Variants in DNTTIP2 observed in about 807,000 individuals in gnomAD.
DNTTIP2 encodes deoxynucleotidyltransferase terminal interacting protein 2.
In DNTTIP2, 47 loss-of-function variants were observed where a neutral mutation model predicts 62.4. The observed-to-expected ratio is 0.75, with a 90% CI of 0.60 to 0.96. The LOEUF is 0.96. Among genes scored for constraint, DNTTIP2 ranks in the 40% least tolerant of loss-of-function variants. DNTTIP2 has a pLI of 0.00. For synonymous variants in DNTTIP2, 322 were observed against 300.9 expected, an observed-to-expected ratio of 1.07 and a Z score of -0.73; for missense variants, 870 against 849.1, an observed-to-expected ratio of 1.02 and a Z score of -0.31.
At chr1:93,869,965 CTTTATG>C (rs1655814489) in intron 6 of DNTTIP2, 21 bp from the exon 7 acceptor site, 1 of 772,024 alleles carries the variant, frequency 1.3e-6, no homozygotes. Flanking sequence ...AAAATCAGAA[CTTTATG>C]TTTGATATAT....
chr1:93,876,838 G>GT lies in DNTTIP2; in HGVS notation c.1096dup (p.Thr366AsnfsTer12). 3 of 1,613,956 alleles carry GT rather than the reference G, an allele frequency of 1.9e-6. No homozygotes were observed. The highest frequency in any genetic ancestry group is 2.2e-5 in the East Asian group (1 of 44,880). On this transcript the variant is annotated frameshift_variant, in exon 2 of 7. Transcript: ENST00000436063. LOFTEE classifies it high-confidence loss of function. Reference sequence around the variant, plus strand: ...TCTGCCTACTTCCACAGTTGCAAATGTTTGAGTTAATGATTTCATTACAGC... The same window carrying GT: ...TCTGCCTACTTCCACAGTTGCAAATGTTTTGAGTTAATGATTTCATTACAGC...
In DNTTIP2 at chr1:93,877,059, T is replaced by C; in HGVS notation, c.876A>G (p.Thr292=). ...EQANVESLKE[T]KQNCKDLDED... Reference sequence around the variant, plus strand: ...CATCCAAATCCTTACAATTCTGTTTTGTTTCTTTAAGAGATTCAACATTGG... The same window carrying C: ...CATCCAAATCCTTACAATTCTGTTTCGTTTCTTTAAGAGATTCAACATTGG... The change falls in exon 2 of 7, where the codon ACA becomes ACG. Residue 292 remains threonine (T), a synonymous_variant. Transcript: ENST00000436063. 1 of 1,612,262 alleles carries C rather than the reference T, an allele frequency of 6.2e-7. No homozygotes were observed. The highest frequency in any genetic ancestry group is 8.5e-7 in the Non-Finnish European group (1 of 1,179,844).
At position 93,867,825 on chromosome 1, in the gene DNTTIP2, T is replaced by C. The variant is rs1211863668; in HGVS notation, c.*2026A>G. 6.6e-6 allele frequency: 1 copy of C among 151,724 alleles called. No homozygotes were observed. The highest frequency in any genetic ancestry group is 1.5e-5 in the Non-Finnish European group (1 of 67,950). 9.4% of individuals were successfully genotyped at this position (151,724 alleles called of 1,614,324 possible). ...TCCAGAAACAAAAGTAGTTTTTTTTTAAAATAAAAGAGAACAGACATAGAT... is the reference window on the plus strand; with the variant it reads ...TCCAGAAACAAAAGTAGTTTTTTTTCAAAATAAAAGAGAACAGACATAGAT... On this transcript the variant is annotated 3_prime_UTR_variant, in exon 7 of 7. Transcript: ENST00000436063.
chr1:93,873,696 C>T (rs1236024918), intron 3 of DNTTIP2, among the ~76,000 whole-genome samples: 2 of 151,956 alleles, frequency 1.3e-5, no homozygotes, highest in Non-Finnish European at 2.9e-5. Context: ...CTTTAGGAGG[C>T]CAAGGCAGGA....
At position 93,868,198 on chromosome 1, in the gene DNTTIP2, GAC is replaced by G. The variant is rs1655768466; in HGVS notation, c.*1651_*1652del. ...AAAAAGTGGGTGAAGGATATGAACA[GAC>G]ACTTCTCAAAAGAAGACATTTATGC... On this transcript the variant is annotated 3_prime_UTR_variant, in exon 7 of 7. Transcript: ENST00000436063. The G allele has an allele frequency of 6.6e-6, 1 of 152,160 alleles. No individual in the cohort carries two copies. Among genetic ancestry groups the G allele is most frequent in the Non-Finnish European group, 1.5e-5 (1 of 68,038 alleles). 9.4% of individuals were successfully genotyped at this position (152,160 alleles called of 1,614,324 possible).
In DNTTIP2 at chr1:93,870,985, G is replaced by A. The variant is rs929764624; in HGVS notation, c.2068-193C>T. On this transcript the variant is annotated intron_variant, in intron 5 of 6. Transcript: ENST00000436063. ...ATAGTGGTGCTATTATGTTTCTTCA[G>A]TAGTTTATAGTAGATCCAAAATTTC... 4 of 357,022 alleles carry A rather than the reference G, an allele frequency of 1.1e-5. No individual in the cohort carries two copies. In the Admixed American group the frequency reaches 1.7e-4, roughly 15 times the overall value. The allele number at this position is 357,022 out of a possible 1,614,324, so 22.1% of individuals were successfully genotyped here. A position where few individuals can be genotyped will look rare whatever the true frequency, so the allele number is the denominator to read the frequency against.
chr1:93,878,781 C>A (rs1656080348), intron 1 of DNTTIP2: 2 of 318,138 alleles, frequency 6.3e-6, no homozygotes, highest in Non-Finnish European at 1.2e-5. Context: ...TCCTTGGTAC[C>A]GTGTTAACAG....
At position 93,877,176 on chromosome 1, in the gene DNTTIP2, A is replaced by C; in HGVS notation, c.759T>G (p.Ser253=). The C allele has an allele frequency of 6.2e-7, 1 of 1,613,662 alleles. No homozygotes were observed. Among genetic ancestry groups the C allele is most frequent in the East Asian group, 2.2e-5 (1 of 44,870 alleles). Residue 253 remains serine, a synonymous_variant, in exon 2 of 7, where the codon TCT becomes TCG. Coordinates refer to ENST00000436063, the MANE Select transcript of DNTTIP2 (RefSeq NM_014597.5). ...QTSHLQARSL[S]EINKPNFYNN... ...TATAGAAATTTGGCTTATTTATCTC[A>C]GAAAGAGATCTTGCTTGTAAATGGG...
In DNTTIP2 at chr1:93,873,848, G is replaced by A. The variant is rs555132471; in HGVS notation, c.1807-634C>T. The stretch of plus-strand genomic sequence containing the variant: ...TTCTGTACTTTTGTTACTTGACTAG[G>A]ATGATTATATTCTCCTAAAACTCTG... On this transcript the variant is annotated intron_variant, in intron 3 of 6. Transcript: ENST00000436063. 1.6e-4 allele frequency among the ~76,000 whole-genome samples: 25 copies of A among 152,234 alleles called. 1 individual carries two copies. Among genetic ancestry groups the A allele is most frequent in the Admixed American group, 1.6e-3 (25 of 15,298 alleles).
Position 93,870,573 on chromosome 1 carries a change from T to C in DNTTIP2, c.2177+110A>G, listed in dbSNP as rs1414498423. The C allele has an allele frequency of 2.6e-5, 13 of 503,938 alleles. 1 individual carries two copies. The South Asian group carries it at 5.5e-4, about 21-fold the overall frequency. 31.2% of individuals were successfully genotyped at this position (503,938 alleles called of 1,614,324 possible). A position where few individuals can be genotyped will look rare whatever the true frequency, so the allele number is the denominator to read the frequency against. Reference sequence around the variant, plus strand: ...ATAAAAATATATATTCATGTTAATATGTTATGGGTTATTATAAATGAGTTA... The same window carrying C: ...ATAAAAATATATATTCATGTTAATACGTTATGGGTTATTATAAATGAGTTA... On this transcript the variant is annotated intron_variant, in intron 6 of 6. Transcript: ENST00000436063.
rs1655759846 is a variant in DNTTIP2, at chr1:93,867,840, C to G, written c.*2011G>C. On this transcript the variant is annotated 3_prime_UTR_variant, in exon 7 of 7. Coordinates refer to ENST00000436063, the MANE Select transcript of DNTTIP2 (RefSeq NM_014597.5). ...AGTTTTTTTTTAAAATAAAAGAGAA[C>G]AGACATAGATGCTTCCCTAACTCCA... 1 of 150,738 alleles carries G rather than the reference C, an allele frequency of 6.6e-6. No homozygotes were observed. The highest frequency in any genetic ancestry group is 2.0e-4 in the East Asian group (1 of 5,114). 9.3% of individuals were successfully genotyped at this position (150,738 alleles called of 1,614,324 possible).
In DNTTIP2 at chr1:93,879,123, G is replaced by A. The variant is rs780869706; in HGVS notation, c.26C>T (p.Ala9Val). Reference protein sequence around the residue: MVVTRSARAKASIQAASAE... With the variant: MVVTRSARVKASIQAASAE... ...CGACGCGGCTTGGATGCTGGCCTTA[G>A]CCCGTGCAGATCTGGTAACCACCAT... Residue 9 changes from alanine (A) to valine (V), a missense_variant, in exon 1 of 7, where the codon GCT becomes GTT. Physicochemically the swap from Ala to Val is moderately conservative, Grantham distance 64. Transcript: ENST00000436063. 1.2e-6 allele frequency: 2 copies of A among 1,613,618 alleles called. No individual in the cohort carries two copies. Among genetic ancestry groups the A allele is most frequent in the African/African-American group, 2.7e-5 (2 of 75,076 alleles).
chr1:93,876,793 C>A lies in DNTTIP2; in HGVS notation c.1142G>T (p.Ser381Ile). Residue 381 changes from serine (S) to isoleucine (I), a missense_variant, in exon 2 of 7, where the codon AGC (serine) becomes ATC (isoleucine). Coordinates refer to ENST00000436063, the MANE Select transcript of DNTTIP2 (RefSeq NM_014597.5). ...TGTCAAGTCACTTGCTTTTATGGGG[C>A]TCTTTTTGTTGTTATTCCATCTGCC... is the stretch of plus-strand genomic sequence containing the variant. ...EVGRWNNNKK[S>I]PIKASDLTKF... 1 of 1,613,852 alleles carries A rather than the reference C, an allele frequency of 6.2e-7. No individual in the cohort carries two copies. The highest frequency in any genetic ancestry group is 8.5e-7 in the Non-Finnish European group (1 of 1,179,858).
chr1:93,875,543 C>A, intron 3 of DNTTIP2, 102 bp downstream of exon 3: 12 of 1,213,876 alleles, frequency 9.9e-6, no homozygotes, highest in Non-Finnish European at 1.4e-5. Context: ...ACACATTAGG[C>A]CAATGTGGTT....
Position 93,877,739 on chromosome 1 carries a change from T to C in DNTTIP2, c.196A>G (p.Lys66Glu), listed in dbSNP as rs754786663. The C allele has an allele frequency of 2.4e-5, 38 of 1,613,696 alleles. No individual in the cohort carries two copies. The highest frequency in any genetic ancestry group is 3.2e-5 in the Non-Finnish European group (38 of 1,179,896). The change falls in exon 2 of 7, where the codon AAG (lysine) becomes GAG (glutamate). Residue 66 changes from lysine (K) to glutamate (E), a missense_variant. By Grantham distance (56) the Lys-to-Glu change is moderately conservative. Transcript: ENST00000436063. ...SLIPRTPKARKRKSRTTGSLP... is the reference protein window; with the variant it reads ...SLIPRTPKARERKSRTTGSLP... Reference sequence around the variant, plus strand: ...GAGCCTGTAGTTCTGCTCTTCCTCTTTCTAGCTTTAGGAGTTCTAGGGATT... The same window carrying C: ...GAGCCTGTAGTTCTGCTCTTCCTCTCTCTAGCTTTAGGAGTTCTAGGGATT...
intron 6 of DNTTIP2, 103 bp from the exon 7 acceptor site, chr1:93,870,047 A>G (rs946944377): frequency 1.5e-6 from 1 of 649,146 alleles, no homozygotes; most frequent in Non-Finnish European, 2.8e-6. Flanking sequence ...CAAGACAAGT[A>G]TAGTCTCTGA....
chr1:93,869,666 T>C lies in DNTTIP2; in HGVS notation c.*185A>G, dbSNP rs1003498972. On this transcript the variant is annotated 3_prime_UTR_variant, in exon 7 of 7. Transcript: ENST00000436063. ...AAGAGTCTACACCAGGGTGGGTCTT[T>C]TAGACACCCCTATTTTCTAAGGGCA... The C allele has an allele frequency of 1.3e-5, 7 of 532,266 alleles. No homozygotes were observed. In the Admixed American group the frequency reaches 1.4e-4, roughly 10 times the overall value. 33.0% of individuals were successfully genotyped at this position (532,266 alleles called of 1,614,324 possible). A position where few individuals can be genotyped will look rare whatever the true frequency, so the allele number is the denominator to read the frequency against.
rs181128379 is a variant in DNTTIP2 at position 93,872,048 on chromosome 1, A to G, written c.2067+24T>C. The stretch of plus-strand genomic sequence containing the variant: ...TCCAAACTAAAATTCACAGATCATC[A>G]CCACTATTCTGTTTGCTTCATACCT... On this transcript the variant is annotated intron_variant, in intron 5 of 6. Transcript: ENST00000436063. The G allele has an allele frequency of 2.7e-5, 44 of 1,609,774 alleles. No homozygotes were observed. In the Admixed American group the frequency reaches 7.4e-4, roughly 27 times the overall value.
At chr1:93,873,384 G>A (rs1358107760) in intron 3 of DNTTIP2, 170 bp from the exon 4 acceptor site, 3 of 484,858 alleles carry the variant, frequency 6.2e-6, no homozygotes, top group African/African-American at 4.1e-5. Flanking sequence ...TTGAGGCCAG[G>A]AGTTTTAGAC....
Sources: gnomAD v4.1 joint callset for allele counts (sites outside exome capture counted in the v4.1 genomes callset) on GRCh38, gnomAD v4.1.1 for gene constraint, MANE v1.5 for transcripts, NCBI Gene and HGNC (gene_info 2026-07-23, HGNC 2026-07-21) for gene names.